The following HADH variants were observed in gnomAD, a reference collection of about 807,000 sequenced individuals.
HADH encodes the protein hydroxyacyl-CoA dehydrogenase, also known as hydroxyacyl-coenzyme A dehydrogenase, mitochondrial.
In HADH, 24 loss-of-function variants were observed where a neutral mutation model predicts 32.2. The ratio of observed to expected loss-of-function variants is 0.75; its 90% CI spans 0.54 to 1.05. HADH has a LOEUF of 1.05. Ranked by LOEUF, HADH falls within the 50% of genes least tolerant of loss-of-function variation. HADH has a pLI of 0.00. For synonymous variants in HADH, 139 were observed against 152.5 expected (o/e 0.91, Z 0.65); for missense variants, 350 against 397.1 (o/e 0.88, Z 1.01).
intron 5 of HADH, chr4:108,027,444 T>C: frequency 1.8e-6 from 1 of 560,006 alleles, no homozygotes; most frequent in Admixed American, 2.8e-5. Context: ...TGCCTTGATC[T>C]GTCTTTATGT....
intron 1 of HADH, chr4:108,004,754 A>G (rs1735235591): frequency 1.3e-6 from 2 of 1,535,464 alleles, no homozygotes; most frequent in Non-Finnish European, 1.7e-6. Context: ...TTTTAAGGTC[A>G]AAAGAAGCAG....
At chr4:108,027,521 T>C in intron 5 of HADH, 167 bp from the exon 6 acceptor site, 2 of 684,230 alleles carry the variant, frequency 2.9e-6, no homozygotes, top group Non-Finnish European at 5.3e-6. Context: ...TTGGATAAAT[T>C]GTCATATGAG....
rs1054038912 is a variant in HADH at position 108,000,982 on chromosome 4, A to T, written c.133-8777A>T. Among the ~76,000 whole-genome samples, 195 of 152,386 alleles carry T rather than the reference A, an allele frequency of 1.3e-3. 2 individuals carry two copies. Among genetic ancestry groups the T allele is most frequent in the Non-Finnish European group, 3.2e-4 (22 of 68,046 alleles). On this transcript the variant is annotated intron_variant, in intron 1 of 7. Transcript: ENST00000309522. ...TAAGGGATTTTAAATCTAAGAGCAGAGATTAGACAGAGATCTAAATGACAC... is the reference window on the plus strand; with the variant it reads ...TAAGGGATTTTAAATCTAAGAGCAGTGATTAGACAGAGATCTAAATGACAC...
chr4:108,004,902 G>C, intron 1 of HADH: 1 of 1,535,726 alleles, frequency 6.5e-7, no homozygotes, highest in Non-Finnish European at 8.7e-7. Flanking sequence ...CCAGCTGGGA[G>C]GCTATTGTTA....
chr4:108,008,495 A>G (rs1735364044), intron 1 of HADH, among the ~76,000 whole-genome samples: 1 of 152,208 alleles, frequency 6.6e-6, no homozygotes, highest in Admixed American at 6.5e-5. Flanking sequence ...TTGGGATTTG[A>G]ACGTCTTTGC....
At chr4:108,004,556 A>G (rs1179970297) in intron 1 of HADH, 1 of 1,028,544 alleles carries the variant, frequency 9.7e-7, no homozygotes, top group Non-Finnish European at 1.3e-6. Context: ...CCTCAAATCA[A>G]CATGTAACCA....
At chr4:108,017,157 A>T (rs1324913443) in intron 3 of HADH, among the ~76,000 whole-genome samples, 2 of 152,326 alleles carry the variant, frequency 1.3e-5, no homozygotes, top group East Asian at 3.9e-4. Flanking sequence ...CAAATTTTAC[A>T]GTTCGATCCT....
chr4:108,004,121 G>T (rs572783103), intron 1 of HADH, among the ~76,000 whole-genome samples: 1 of 152,018 alleles, frequency 6.6e-6, no homozygotes, highest in African/African-American at 2.4e-5. Flanking sequence ...CGTGTAGACA[G>T]TGAGAATAAT....
intron 3 of HADH, among the ~76,000 whole-genome samples, chr4:108,016,128 A>G (rs1378359669): frequency 6.6e-6 from 1 of 152,130 alleles, no homozygotes; most frequent in Admixed American, 6.5e-5. Flanking sequence ...TCCTGGCAGA[A>G]TGTACCTTGG....
At chr4:108,029,290 G>A (rs909058844) in intron 6 of HADH, 8 of 174,472 alleles carry the variant, frequency 4.6e-5, no homozygotes, top group Non-Finnish European at 4.8e-5. Flanking sequence ...GCTCCTTCTC[G>A]TCTGCCACAT....
At chr4:108,009,977 CTTTT>C (rs11388783) in intron 2 of HADH, 90 bp downstream of exon 2, 53 of 551,990 alleles carry the variant, frequency 9.6e-5, no homozygotes, top group African/African-American at 1.7e-4. Context: ...TTCTTTCTTT[CTTTT>C]TTTTTTTTTT....
At chr4:108,003,163 A>G (rs1311510095) in intron 1 of HADH, among the ~76,000 whole-genome samples, 1 of 144,294 alleles carries the variant, frequency 6.9e-6, no homozygotes, top group East Asian at 2.1e-4. Flanking sequence ...GGTAATTTAT[A>G]AAGAACAGAA....
intron 3 of HADH, among the ~76,000 whole-genome samples, chr4:108,017,430 G>C (rs947178349): frequency 6.6e-6 from 1 of 152,010 alleles, no homozygotes; most frequent in Admixed American, 6.6e-5. Context: ...AATAATCACT[G>C]TGCTTGTGTT....
At chr4:108,019,428 C>T (rs969264811) in intron 3 of HADH, 112 bp from the exon 4 acceptor site, 7 of 913,412 alleles carry the variant, frequency 7.7e-6, no homozygotes, top group East Asian at 7.3e-5. Context: ...CCCAATGGGT[C>T]AGGACAACAG....
chr4:107,992,200 A>G (rs1436629580), intron 1 of HADH, among the ~76,000 whole-genome samples: 16 of 152,010 alleles, frequency 1.1e-4, no homozygotes, highest in Admixed American at 1.0e-3. Flanking sequence ...AACTTAAGGG[A>G]AAAAAAAGCT....
Position 108,009,842 on chromosome 4 carries a change from A to C in HADH, c.216A>C (p.Glu72Asp). Residue 72 changes from glutamate to aspartate, a missense_variant, in exon 2 of 8, where the codon GAA becomes GAC. Coordinates refer to ENST00000309522, the MANE Select transcript of HADH (RefSeq NM_005327.7). ...CAAAATCCAAAAAGGGAATTGAGGA[A>C]AGCCTTAGGAAAGTGGCAAAGAAGA... The part of the protein sequence containing the change: ...ILAKSKKGIE[E>D]SLRKVAKKKF... 6.2e-7 allele frequency: 1 copy of C among 1,611,834 alleles called. No homozygotes were observed. The highest frequency in any genetic ancestry group is 1.3e-5 in the African/African-American group (1 of 75,018).
At chr4:108,003,537 A>G (rs2126222762) in intron 1 of HADH, among the ~76,000 whole-genome samples, 1 of 152,272 alleles carries the variant, frequency 6.6e-6, no homozygotes, top group Middle Eastern at 3.4e-3. Context: ...CAAGTAATTT[A>G]AAGACTTTGG....
chr4:108,025,572 A>G (rs977609423), intron 5 of HADH: 12 of 152,260 alleles, frequency 7.9e-5, no homozygotes, highest in Non-Finnish European at 1.5e-4. Flanking sequence ...TTGATTACAT[A>G]AAATAAAATT....
intron 1 of HADH, among the ~76,000 whole-genome samples, chr4:107,990,364 C>A (rs1272380894): frequency 6.6e-6 from 1 of 152,210 alleles, no homozygotes; most frequent in African/African-American, 2.4e-5. Flanking sequence ...TGGAAGCGGG[C>A]CGTGCAAGAG....
Sources: gnomAD v4.1 joint callset for allele counts (sites outside exome capture counted in the v4.1 genomes callset) on GRCh38, gnomAD v4.1.1 for gene constraint, MANE v1.5 for transcripts, NCBI Gene and HGNC (gene_info 2026-07-23, HGNC 2026-07-21) for gene names.